The following MGAT4C variants were observed in gnomAD, a reference collection of about 807,000 sequenced individuals.
The protein encoded by MGAT4C is alpha-1,3-mannosyl-glycoprotein 4-beta-N-acetylglucosaminyltransferase C.
MGAT4C carries 19 observed loss-of-function variants against 40.1 expected under a neutral mutation model. That is an observed-to-expected ratio of 0.47 (90% CI 0.33 to 0.70). The LOEUF (loss-of-function observed/expected upper bound fraction) is 0.70, where lower values mean the gene tolerates loss of function less well. Among genes scored for constraint, MGAT4C ranks in the 30% least tolerant of loss-of-function variants. MGAT4C has a pLI of 0.02. For synonymous variants in MGAT4C, 181 were observed against 187.1 expected (o/e 0.97, Z 0.27); for missense variants, 491 against 563.2 (o/e 0.87, Z 1.30).
At chr12:86,290,081 C>T (rs1325526544) in intron 4 of MGAT4C, among the ~76,000 whole-genome samples, 1 of 151,478 alleles carries the variant, frequency 6.6e-6, no homozygotes, top group Non-Finnish European at 1.5e-5. Flanking sequence ...GAGTCTTGCT[C>T]TGTCACCCAT....
intron 4 of MGAT4C, among the ~76,000 whole-genome samples, chr12:86,296,239 T>C (rs1454590296): frequency 6.6e-6 from 1 of 151,916 alleles, no homozygotes; most frequent in Non-Finnish European, 1.5e-5. Context: ...CTCACAAACC[T>C]TGAGCTAAAC....
chr12:86,307,146 C>T (rs1203226891), intron 4 of MGAT4C, among the ~76,000 whole-genome samples: 1 of 150,272 alleles, frequency 6.7e-6, no homozygotes, highest in African/African-American at 2.5e-5. Context: ...GAATTCAAAA[C>T]AGGTAACTGT....
At chr12:86,570,564 A>G (rs1303183477) in intron 2 of MGAT4C, among the ~76,000 whole-genome samples, 9 of 152,118 alleles carry the variant, frequency 5.9e-5, no homozygotes, top group African/African-American at 2.2e-4. Context: ...AAAAATATGT[A>G]ATGAATAACT....
intron 4 of MGAT4C, among the ~76,000 whole-genome samples, chr12:86,320,311 T>G (rs1954349797): frequency 6.6e-6 from 1 of 152,198 alleles, no homozygotes; most frequent in Non-Finnish European, 1.5e-5. Flanking sequence ...TTGATTGTAA[T>G]TTCCAGTAGG....
chr12:86,204,444 G>A, intron 1 of MGAT4C, among the ~76,000 whole-genome samples: 1 of 152,034 alleles, frequency 6.6e-6, no homozygotes, highest in East Asian at 1.9e-4. Context: ...ATGTTAAAAT[G>A]TTCAAAGATC....
At chr12:86,200,126 T>TA (rs1949987185) in intron 1 of MGAT4C, among the ~76,000 whole-genome samples, 4 of 103,004 alleles carry the variant, frequency 3.9e-5, no homozygotes, top group African/African-American at 1.3e-4. Flanking sequence ...AGTATGTATT[T>TA]GTTTTTTTTT....
chr12:86,338,434 A>C (rs1954835328), intron 3 of MGAT4C, among the ~76,000 whole-genome samples: 1 of 152,148 alleles, frequency 6.6e-6, no homozygotes. Context: ...CCTAAACCAT[A>C]ATTTCTAATC....
chr12:86,791,697 C>A (rs1032267337), intron 1 of MGAT4C, among the ~76,000 whole-genome samples: 8 of 152,098 alleles, frequency 5.3e-5, no homozygotes. Context: ...GGGTTTGTGA[C>A]TGGAAAGAAG....
chr12:86,179,750 C>T (rs929060875), intron 1 of MGAT4C, among the ~76,000 whole-genome samples: 1 of 152,140 alleles, frequency 6.6e-6, no homozygotes, highest in Non-Finnish European at 1.5e-5. Context: ...TTCTAAGGAG[C>T]AAAGCCTTCA....
At chr12:86,507,494 G>T (rs1014246374) in intron 2 of MGAT4C, among the ~76,000 whole-genome samples, 1 of 152,058 alleles carries the variant, frequency 6.6e-6, no homozygotes. Context: ...ATGAGTGTTT[G>T]GGTTTGTTCT....
At chr12:86,541,022 C>T (rs1186305664) in intron 2 of MGAT4C, among the ~76,000 whole-genome samples, 1 of 152,052 alleles carries the variant, frequency 6.6e-6, no homozygotes, top group Non-Finnish European at 1.5e-5. Flanking sequence ...CAGATTGAAA[C>T]AGGAAGGTTG....
intron 2 of MGAT4C, among the ~76,000 whole-genome samples, chr12:86,512,778 G>C (rs957667310): frequency 9.2e-5 from 14 of 152,024 alleles, no homozygotes; most frequent in Non-Finnish European, 1.8e-4. Context: ...AGATAAGAGG[G>C]AGAGGAATAT....
At chr12:86,152,254 T>G (rs919159395) in intron 1 of MGAT4C, among the ~76,000 whole-genome samples, 1 of 152,176 alleles carries the variant, frequency 6.6e-6, no homozygotes, top group Admixed American at 6.5e-5. Context: ...AACCAGAAAT[T>G]TACTTCTCAC....
intron 2 of MGAT4C, among the ~76,000 whole-genome samples, chr12:86,499,616 T>C (rs1958300885): frequency 1.3e-5 from 2 of 151,874 alleles, no homozygotes. Flanking sequence ...TTTGTCACCT[T>C]TCTGCTTAAA....
intron 2 of MGAT4C, among the ~76,000 whole-genome samples, chr12:86,627,381 T>C (rs746038381): frequency 6.6e-6 from 1 of 152,166 alleles, no homozygotes; most frequent in African/African-American, 2.4e-5. Context: ...TCTTGCAGCA[T>C]GGTGTTTGAG....
At chr12:86,451,212 T>C (rs1039118944) in intron 2 of MGAT4C, among the ~76,000 whole-genome samples, 1 of 152,132 alleles carries the variant, frequency 6.6e-6, no homozygotes. Context: ...TCTGGTTGTA[T>C]AAAAGTGTGT....
chr12:86,459,924 TAAC>T (rs531880767), intron 2 of MGAT4C, among the ~76,000 whole-genome samples: 128 of 152,188 alleles, frequency 8.4e-4, no homozygotes, highest in African/African-American at 3.0e-3. Flanking sequence ...TTAATTTGAA[TAAC>T]AACCTATTAT....
intron 2 of MGAT4C, among the ~76,000 whole-genome samples, chr12:86,493,145 C>A (rs1485313510): frequency 1.3e-5 from 2 of 150,666 alleles, no homozygotes; most frequent in Non-Finnish European, 2.9e-5. Flanking sequence ...AGTCAGGAAA[C>A]AACAGGTGCT....
At chr12:86,265,522 G>C (rs533444351) in intron 4 of MGAT4C, among the ~76,000 whole-genome samples, 1 of 151,962 alleles carries the variant, frequency 6.6e-6, no homozygotes, top group African/African-American at 2.4e-5. Context: ...ATTGATTTAC[G>C]TGCCTGTTTT....
Sources: gnomAD v4.1 joint callset for allele counts (sites outside exome capture counted in the v4.1 genomes callset) on GRCh38, gnomAD v4.1.1 for gene constraint, MANE v1.5 for transcripts, NCBI Gene and HGNC (gene_info 2026-07-23, HGNC 2026-07-21) for gene names.